RALGPS1: variants seen among roughly 807,000 people sequenced by gnomAD.
RALGPS1 encodes Ral GEF with PH domain and SH3 binding motif 1, also known as ras-specific guanine nucleotide-releasing factor RalGPS1.
A neutral mutation model predicts 78.8 loss-of-function variants in RALGPS1; 19 were observed. That is an observed-to-expected ratio of 0.24 (90% CI 0.17 to 0.35). RALGPS1 has a LOEUF of 0.35. Ranked by LOEUF, RALGPS1 falls within the 10% of genes least tolerant of loss-of-function variation. The pLI is 1.00. For missense variants in RALGPS1, 454 were observed against 688.3 expected (o/e 0.66, Z 3.81); for synonymous variants, 228 against 256.3 (o/e 0.89, Z 1.06).
intron 4 of RALGPS1, among the ~76,000 whole-genome samples, chr9:126,990,818 A>G (rs904651695): frequency 6.6e-6 from 1 of 152,214 alleles, no homozygotes; most frequent in African/African-American, 2.4e-5. Context: ...GAATGCAGAG[A>G]TCATGCCACT....
In RALGPS1 at chr9:126,962,365, T is replaced by C; in HGVS notation, c.57+19T>C. On this transcript the variant is annotated intron_variant, in intron 2 of 18. Transcript: ENST00000259351. ...TCCACAGGTACTGAGGCTGCAAGAA[T>C]CGGGACAGTGGGTAGAGGGGTCTCC... The C allele has an allele frequency of 6.2e-7, 1 of 1,613,610 alleles. No homozygotes were observed. Among genetic ancestry groups the C allele is most frequent in the Non-Finnish European group, 8.5e-7 (1 of 1,179,626 alleles).
At chr9:126,963,012 C>T (rs894903145) in intron 2 of RALGPS1, among the ~76,000 whole-genome samples, 4 of 152,178 alleles carry the variant, frequency 2.6e-5, no homozygotes, top group African/African-American at 9.7e-5. Context: ...CAAAAAGTCA[C>T]AGGAATCAGT....
intron 11 of RALGPS1, among the ~76,000 whole-genome samples, chr9:127,193,716 T>C (rs1223345524): frequency 1.3e-5 from 2 of 151,956 alleles, no homozygotes; most frequent in Non-Finnish European, 2.9e-5. Flanking sequence ...GACCTGGAGG[T>C]CTGGGTGGGC....
chr9:127,052,921 G>A lies in RALGPS1; in HGVS notation c.465G>A (p.Arg155=). The change falls in exon 7 of 19, where the codon AGG becomes AGA. Residue 155 remains arginine (R), a synonymous_variant. Coordinates refer to ENST00000259351, the MANE Select transcript of RALGPS1 (RefSeq NM_014636.3). ...CATTACAAAGTGCTCCCATCTTCAG[G>A]CTGACAAAAACCTGGGCTGTAAGTT... ...VSALQSAPIF[R]LTKTWALLNR... is the part of the protein sequence containing the mutation. The A allele has an allele frequency of 1.9e-6, 3 of 1,602,858 alleles. No homozygotes were observed. The highest frequency in any genetic ancestry group is 8.5e-7 in the Non-Finnish European group (1 of 1,169,994).
chr9:126,918,572 C>T (rs921165592), intron 1 of RALGPS1, among the ~76,000 whole-genome samples: 3 of 151,886 alleles, frequency 2.0e-5, no homozygotes, highest in East Asian at 1.9e-4. Flanking sequence ...ATCCCCGCAT[C>T]GGCCTCCCAA....
chr9:126,961,688 C>G (rs957621237), intron 1 of RALGPS1, among the ~76,000 whole-genome samples: 3 of 152,128 alleles, frequency 2.0e-5, no homozygotes, highest in East Asian at 3.9e-4. Context: ...CCCAGCAACT[C>G]GGGAGACTGA....
intron 3 of RALGPS1, among the ~76,000 whole-genome samples, chr9:126,969,555 A>G (rs1358854220): frequency 1.3e-5 from 2 of 152,228 alleles, no homozygotes; most frequent in Non-Finnish European, 1.5e-5. Context: ...AGAGGACGTC[A>G]TGGATCTCGC....
rs1482707148 is a variant in RALGPS1 at position 127,196,412 on chromosome 9, T to G, written c.1038-62T>G. ...ACCATCTGCTCCGGCCCCAGGCAGG[T>G]GTAACCACTGTCACTCCATAGATAA... On this transcript the variant is annotated intron_variant, in intron 12 of 18. Coordinates refer to ENST00000259351, the MANE Select transcript of RALGPS1 (RefSeq NM_014636.3). 1.2e-5 allele frequency: 18 copies of G among 1,546,086 alleles called. No homozygotes were observed. In the East Asian group the frequency reaches 4.1e-4, roughly 35 times the overall value.
intron 8 of RALGPS1, among the ~76,000 whole-genome samples, chr9:127,077,562 G>A (rs778812700): frequency 3.3e-5 from 5 of 152,194 alleles, no homozygotes; most frequent in Non-Finnish European, 7.3e-5. Flanking sequence ...CTTGATGGGG[G>A]CCACCACCCT....
At chr9:127,020,363 A>G (rs1391170037) in intron 4 of RALGPS1, among the ~76,000 whole-genome samples, 1 of 152,230 alleles carries the variant, frequency 6.6e-6, no homozygotes, top group Admixed American at 6.5e-5. Context: ...ATTCCCAGCA[A>G]TAGTCAGGAT....
chr9:127,113,860 T>G (rs2137345951), intron 8 of RALGPS1, among the ~76,000 whole-genome samples: 1 of 152,270 alleles, frequency 6.6e-6, no homozygotes, highest in Non-Finnish European at 1.5e-5. Flanking sequence ...CCACACATCA[T>G]GTGTCCGCAT....
intron 5 of RALGPS1, among the ~76,000 whole-genome samples, chr9:127,041,621 T>G (rs995390315): frequency 1.3e-5 from 2 of 152,046 alleles, no homozygotes; most frequent in African/African-American, 2.4e-5. Context: ...GTGCCTCACG[T>G]GAGGGGTGAG....
At chr9:126,992,111 G>A (rs1376725889) in intron 4 of RALGPS1, among the ~76,000 whole-genome samples, 3 of 152,220 alleles carry the variant, frequency 2.0e-5, no homozygotes, top group Non-Finnish European at 2.9e-5. Context: ...GGGCTCTGGA[G>A]AGAGAAGGAC....
At chr9:127,167,036 G>A (rs1320286678) in intron 9 of RALGPS1, among the ~76,000 whole-genome samples, 1 of 151,884 alleles carries the variant, frequency 6.6e-6, no homozygotes, top group Non-Finnish European at 1.5e-5. Flanking sequence ...GTGGTGCATG[G>A]GGGGTGGGGC....
At chr9:127,136,540 G>A (rs2057405099) in intron 8 of RALGPS1, among the ~76,000 whole-genome samples, 1 of 151,732 alleles carries the variant, frequency 6.6e-6, no homozygotes, top group Admixed American at 6.6e-5. Flanking sequence ...GAGCTCTTCA[G>A]CCTCTCTGAG....
chr9:127,006,511 G>T (rs2133783310), intron 4 of RALGPS1, among the ~76,000 whole-genome samples: 1 of 152,302 alleles, frequency 6.6e-6, no homozygotes, highest in South Asian at 2.1e-4. Flanking sequence ...AAATGTCAAG[G>T]AGTGTTTCAC....
At chr9:127,153,881 G>T (rs182860822) in intron 8 of RALGPS1, among the ~76,000 whole-genome samples, 18 of 152,330 alleles carry the variant, frequency 1.2e-4, no homozygotes, top group Non-Finnish European at 7.4e-5. Flanking sequence ...AGAGCAGAAG[G>T]ATGGGTCTCA....
At chr9:127,113,726 G>A (rs947910723) in intron 8 of RALGPS1, among the ~76,000 whole-genome samples, 1 of 152,226 alleles carries the variant, frequency 6.6e-6, no homozygotes, top group Admixed American at 6.5e-5. Flanking sequence ...CACAAGTGAG[G>A]CTGGTGTGAC....
At chr9:127,194,897 A>G (rs1286350175) in intron 11 of RALGPS1, among the ~76,000 whole-genome samples, 194 bp from the exon 12 acceptor site, 4 of 152,170 alleles carry the variant, frequency 2.6e-5, no homozygotes, top group African/African-American at 7.2e-5. Context: ...GTCAAGTACT[A>G]TATGGAGAGT....
Sources: gnomAD v4.1 joint callset for allele counts (sites outside exome capture counted in the v4.1 genomes callset) on GRCh38, gnomAD v4.1.1 for gene constraint, MANE v1.5 for transcripts, NCBI Gene and HGNC (gene_info 2026-07-23, HGNC 2026-07-21) for gene names.